CREB5: variants seen among roughly 807,000 people sequenced by gnomAD.
The protein encoded by CREB5 is cyclic AMP-responsive element-binding protein 5.
A neutral mutation model predicts 57.1 loss-of-function variants in CREB5; 19 were observed. That is an observed-to-expected ratio of 0.33 (90% CI 0.23 to 0.49). The LOEUF is 0.49. Ranked by LOEUF, CREB5 falls within the 20% of genes least tolerant of loss-of-function variation. The pLI is 0.99. For synonymous variants in CREB5, 238 were observed against 238.3 expected, an observed-to-expected ratio of 1.00 and a Z score of 0.01; for missense variants, 579 against 671.6, an observed-to-expected ratio of 0.86 and a Z score of 1.52.
chr7:28,422,195 T>C (rs1473855455), intron 1 of CREB5, among the ~76,000 whole-genome samples: 1 of 152,148 alleles, frequency 6.6e-6, no homozygotes, highest in Non-Finnish European at 1.5e-5. Flanking sequence ...GGATACTATT[T>C]CTGACTTATT....
chr7:28,647,609 A>G (rs1798937217), intron 5 of CREB5, among the ~76,000 whole-genome samples: 1 of 152,208 alleles, frequency 6.6e-6, no homozygotes, highest in Admixed American at 6.5e-5. Flanking sequence ...GGAGAAATTA[A>G]GAGCCAAGTT....
At chr7:28,308,602 G>T (rs553560955) in intron 1 of CREB5, among the ~76,000 whole-genome samples, 4 of 152,240 alleles carry the variant, frequency 2.6e-5, no homozygotes, top group Non-Finnish European at 5.9e-5. Context: ...GTGGTGAATG[G>T]CTTGCTCCCT....
At chr7:28,809,502 C>A (rs1808974004) in intron 9 of CREB5, 88 bp downstream of exon 9, 11 of 1,195,822 alleles carry the variant, frequency 9.2e-6, no homozygotes, top group Admixed American at 7.0e-5. Flanking sequence ...TTGACCTAAG[C>A]AGTGATACCA....
chr7:28,406,113 G>A (rs1027297772), intron 1 of CREB5, among the ~76,000 whole-genome samples: 1 of 152,164 alleles, frequency 6.6e-6, no homozygotes, highest in South Asian at 2.1e-4. Flanking sequence ...AATGTTTGCC[G>A]AATGTTGGAG....
chr7:28,431,602 C>A (rs544043230), intron 1 of CREB5, among the ~76,000 whole-genome samples: 3 of 152,128 alleles, frequency 2.0e-5, no homozygotes, highest in Non-Finnish European at 4.4e-5. Flanking sequence ...TCAGTCTTTC[C>A]TAAGCAAGAG....
intron 5 of CREB5, among the ~76,000 whole-genome samples, chr7:28,700,974 A>G (rs1019452621): frequency 6.6e-6 from 1 of 151,688 alleles, no homozygotes; most frequent in South Asian, 2.1e-4. Flanking sequence ...AAAAAAAAAA[A>G]AACAACCCAC....
At chr7:28,410,065 C>A (rs1024177463), upstream of CREB5, 2 of 405,658 alleles carry the variant, frequency 4.9e-6, no homozygotes, top group Admixed American at 2.6e-5. Flanking sequence ...ACCTAGGGGG[C>A]GGGTGGGCGC....
intron 5 of CREB5, among the ~76,000 whole-genome samples, chr7:28,586,963 A>G (rs1184070546): frequency 6.6e-6 from 1 of 152,234 alleles, no homozygotes; most frequent in East Asian, 1.9e-4. Context: ...TCTGATGGCA[A>G]AAATCCAGAC....
At position 28,819,324 on chromosome 7, in the gene CREB5, A is replaced by G. The variant is rs746914973; in HGVS notation, c.*45A>G. The G allele has an allele frequency of 1.3e-5, 20 of 1,564,340 alleles. No individual in the cohort carries two copies. Among genetic ancestry groups the G allele is most frequent in the South Asian group, 2.4e-5 (2 of 83,314 alleles). On this transcript the variant is annotated 3_prime_UTR_variant, in exon 11 of 11. Coordinates refer to ENST00000357727, the MANE Select transcript of CREB5 (RefSeq NM_182898.4). ...CCTCCAAGAAGAGCTGTAGCGTACCATGCGTCCTTTCTTTTAAGGGCATTT... is the reference window on the plus strand; with the variant it reads ...CCTCCAAGAAGAGCTGTAGCGTACCGTGCGTCCTTTCTTTTAAGGGCATTT...
At chr7:28,736,334 T>C (rs1803978064) in intron 7 of CREB5, among the ~76,000 whole-genome samples, 1 of 151,778 alleles carries the variant, frequency 6.6e-6, no homozygotes, top group South Asian at 2.1e-4. Context: ...CACGCCCGGC[T>C]AATTTTGTAT....
intron 5 of CREB5, among the ~76,000 whole-genome samples, chr7:28,672,184 A>ACACACAC (rs1439926301): frequency 0.016 from 2,231 of 139,148 alleles, 27 homozygotes; most frequent in Non-Finnish European, 0.019. Context: ...GGAAAAAAAA[A>ACACACAC]AAAAACACAC....
chr7:28,660,890 C>T (rs937427081), intron 5 of CREB5, among the ~76,000 whole-genome samples: 11 of 152,186 alleles, frequency 7.2e-5, no homozygotes, highest in Non-Finnish European at 1.5e-4. Context: ...CCCCTCCTTG[C>T]TCTTCACAAA....
At chr7:28,585,963 C>T (rs1796291784) in intron 5 of CREB5, among the ~76,000 whole-genome samples, 1 of 152,208 alleles carries the variant, frequency 6.6e-6, no homozygotes, top group South Asian at 2.1e-4. Context: ...GCCCCTTTGG[C>T]TGCATAACCT....
At chr7:28,774,874 C>T (rs1227458205) in intron 7 of CREB5, among the ~76,000 whole-genome samples, 2 of 152,214 alleles carry the variant, frequency 1.3e-5, no homozygotes, top group African/African-American at 4.8e-5. Context: ...AAACTGTTTA[C>T]TCAGCTGTCC....
chr7:28,409,630 T>C (rs1309590327), upstream of CREB5: 2 of 257,616 alleles, frequency 7.8e-6, no homozygotes, highest in African/African-American at 4.8e-5. The surrounding 1 kb of genome is among the most constrained non-coding windows in gnomAD (Gnocchi z 4.4). Context: ...GAGGGTGATC[T>C]GTGTTTGTAA....
chr7:28,419,982 T>C (rs1463671075), intron 1 of CREB5, among the ~76,000 whole-genome samples: 1 of 152,246 alleles, frequency 6.6e-6, no homozygotes, highest in Non-Finnish European at 1.5e-5. Flanking sequence ...GCATGTAATT[T>C]GAAATTGTAC....
intron 5 of CREB5, among the ~76,000 whole-genome samples, chr7:28,712,158 A>G (rs1031453979): frequency 6.6e-6 from 1 of 152,144 alleles, no homozygotes; most frequent in Non-Finnish European, 1.5e-5. Context: ...CAATGTAATT[A>G]TTACCTGCCA....
chr7:28,561,033 T>TGCGC (rs1554344588), intron 4 of CREB5, among the ~76,000 whole-genome samples: 1 of 83,470 alleles, frequency 1.2e-5, no homozygotes, highest in African/African-American at 4.4e-5. Flanking sequence ...TGCGTGTGTG[T>TGCGC]GTGTGTGTGT....
chr7:28,679,052 C>CTTTTTTTTTT (rs56266854), intron 5 of CREB5, among the ~76,000 whole-genome samples: 13 of 123,852 alleles, frequency 1.0e-4, no homozygotes, highest in Non-Finnish European at 1.6e-4. Flanking sequence ...TTTTGTAGTT[C>CTTTTTTTTTT]TTTTTTTTTT....
Sources: gnomAD v4.1 joint callset for allele counts (sites outside exome capture counted in the v4.1 genomes callset) on GRCh38, gnomAD v4.1.1 for gene constraint, Gnocchi (gnomAD v3.1) non-coding constraint, MANE v1.5 for transcripts, NCBI Gene and HGNC (gene_info 2026-07-23, HGNC 2026-07-21) for gene names.